Variants in LGR6 observed in about 807,000 individuals in gnomAD.
LGR6 encodes the protein leucine-rich repeat-containing G protein-coupled receptor 6.
LGR6 carries 45 observed loss-of-function variants against 69.4 expected under a neutral mutation model. The ratio of observed to expected loss-of-function variants is 0.65; its 90% confidence interval spans 0.51 to 0.83. The LOEUF (loss-of-function observed/expected upper bound fraction) is 0.83, where lower values mean the gene tolerates loss of function less well. Ranked by LOEUF, LGR6 falls within the 40% of genes least tolerant of loss-of-function variation. The probability of loss-of-function intolerance (pLI) is 0.00; values close to 1 mark genes in which losing one functional copy is unlikely to be tolerated. For missense variants in LGR6, 1,108 were observed against 1,246.7 expected, an observed-to-expected ratio of 0.89 and a Z score of 1.68; for synonymous variants, 538 against 555.0, an observed-to-expected ratio of 0.97 and a Z score of 0.43.
intron 4 of LGR6, among the ~76,000 whole-genome samples, chr1:202,269,397 C>G (rs1237664574): frequency 6.6e-6 from 1 of 152,202 alleles, no homozygotes; most frequent in Non-Finnish European, 1.5e-5. Context: ...AGGGGCTCCC[C>G]TTCTCTGAGC....
intron 1 of LGR6, among the ~76,000 whole-genome samples, chr1:202,198,658 G>A (rs1310768908): frequency 1.4e-5 from 2 of 138,884 alleles, no homozygotes; most frequent in African/African-American, 2.7e-5. Flanking sequence ...GGGAACCAGA[G>A]TAATTTTAGG....
chr1:202,301,317 C>G, intron 9 of LGR6, 82 bp downstream of exon 9: 1 of 1,192,274 alleles, frequency 8.4e-7, no homozygotes, highest in Non-Finnish European at 1.2e-6. Context: ...CTATCGCCTG[C>G]GGATCTCTCC....
At chr1:202,248,852 G>C (rs564648944) in intron 4 of LGR6, among the ~76,000 whole-genome samples, 7 of 152,154 alleles carry the variant, frequency 4.6e-5, no homozygotes, top group Non-Finnish European at 8.8e-5. Flanking sequence ...TGGTGAGTGG[G>C]GAGTGCAGCA....
intron 4 of LGR6, among the ~76,000 whole-genome samples, chr1:202,270,402 C>T (rs1664996887): frequency 6.6e-6 from 1 of 152,070 alleles, no homozygotes; most frequent in African/African-American, 2.4e-5. Context: ...GCCACCACGC[C>T]CGTCTAATTT....
At chr1:202,267,121 A>C (rs1243899645) in intron 4 of LGR6, among the ~76,000 whole-genome samples, 2 of 152,202 alleles carry the variant, frequency 1.3e-5, no homozygotes, top group African/African-American at 4.8e-5. Flanking sequence ...GCCACACTTC[A>C]AGAGCTCAAT....
chr1:202,314,837 GAGGACTCAA>G lies in LGR6; in HGVS notation c.1606_1614del (p.Asp536_Lys538del), dbSNP rs745992618. The stretch of plus-strand genomic sequence containing the variant: ...CCTGGATGAGCTCCAGCTGGAGATG[GAGGACTCAA>G]AGCCACACCCCAGTGTCCAGTGTAG... On this transcript the variant is annotated inframe_deletion, in exon 17 of 18. Transcript: ENST00000367278. 1.2e-6 allele frequency: 2 copies of G among 1,614,106 alleles called. No individual in the cohort carries two copies. The highest frequency in any genetic ancestry group is 2.2e-5 in the South Asian group (2 of 91,076).
chr1:202,286,631 A>T (rs1666411802), intron 6 of LGR6, among the ~76,000 whole-genome samples: 1 of 151,702 alleles, frequency 6.6e-6, no homozygotes, highest in African/African-American at 2.4e-5. Context: ...GAATCAAGGA[A>T]CTCTCTTTCC....
intron 1 of LGR6, among the ~76,000 whole-genome samples, chr1:202,205,379 C>CACAG (rs1659141276): frequency 5.8e-4 from 1 of 1,716 alleles, no homozygotes; most frequent in Non-Finnish European, 1.7e-3. Flanking sequence ...AACACACACA[C>CACAG]CTCACACACC....
intron 14 of LGR6, among the ~76,000 whole-genome samples, chr1:202,308,398 G>A (rs1401839063): frequency 6.6e-6 from 1 of 152,048 alleles, no homozygotes; most frequent in South Asian, 2.1e-4. Context: ...ACAGTGCCAG[G>A]TTTCCTGCCT....
At chr1:202,316,204 A>G (rs1654129531) in intron 17 of LGR6, among the ~76,000 whole-genome samples, 1 of 152,126 alleles carries the variant, frequency 6.6e-6, no homozygotes, top group South Asian at 2.1e-4. Flanking sequence ...GTTTTGTTTG[A>G]CTCACAATTC....
intron 3 of LGR6, among the ~76,000 whole-genome samples, chr1:202,232,225 A>G (rs1402802367): frequency 6.6e-6 from 1 of 151,888 alleles, no homozygotes; most frequent in Non-Finnish European, 1.5e-5. Flanking sequence ...CCACCCCATA[A>G]CCCCCAAGCA....
chr1:202,316,639 G>A (rs1050072071), intron 17 of LGR6, among the ~76,000 whole-genome samples: 2 of 152,106 alleles, frequency 1.3e-5, no homozygotes, highest in African/African-American at 4.8e-5. Context: ...CCAAAATAAT[G>A]AGTTATCTCT....
intron 4 of LGR6, among the ~76,000 whole-genome samples, chr1:202,239,264 G>C (rs1357844995): frequency 6.6e-6 from 1 of 152,058 alleles, no homozygotes; most frequent in Non-Finnish European, 1.5e-5. Context: ...TTCAGGCCCC[G>C]GGGACAATCT....
At chr1:202,265,741 G>T (rs1040510976) in intron 4 of LGR6, among the ~76,000 whole-genome samples, 1 of 152,138 alleles carries the variant, frequency 6.6e-6, no homozygotes, top group African/African-American at 2.4e-5. Flanking sequence ...CACTTCCACT[G>T]CTGTGATCTC....
chr1:202,276,336 C>T lies in LGR6; in HGVS notation c.459C>T (p.Val153=), dbSNP rs200884842. 2.5e-6 allele frequency: 4 copies of T among 1,614,156 alleles called. No homozygotes were observed. Among genetic ancestry groups the T allele is most frequent in the Non-Finnish European group, 3.4e-6 (4 of 1,180,010 alleles). ...TAGATGCCAACCTCATCTCCCTGGT[C>T]CCGGAGAGGAGCTTTGAGGGGCTGT... ...LRLDANLISL[V]PERSFEGLSS... Residue 153 remains valine (V), a synonymous_variant, in exon 5 of 18, where the codon GTC becomes GTT. Coordinates refer to ENST00000367278, the MANE Select transcript of LGR6 (RefSeq NM_001017403.2).
At chr1:202,315,821 C>T (rs1654099476) in intron 17 of LGR6, among the ~76,000 whole-genome samples, 2 of 152,170 alleles carry the variant, frequency 1.3e-5, no homozygotes, top group Non-Finnish European at 2.9e-5. Context: ...ACTAACCCAA[C>T]CTGGAGGAAG....
intron 6 of LGR6, among the ~76,000 whole-genome samples, chr1:202,295,868 TTA>T (rs1491280252): frequency 7.9e-6 from 1 of 126,314 alleles, no homozygotes; most frequent in African/African-American, 3.0e-5. Flanking sequence ...AATTGGGTAA[TTA>T]GTGTGTGTGT....
At position 202,207,326 on chromosome 1, in the gene LGR6, C is replaced by G. The variant is rs114246179; in HGVS notation, c.212+13125C>G. Among the ~76,000 whole-genome samples, 1,025 of 152,228 alleles carry G rather than the reference C, an allele frequency of 6.7e-3. 14 individuals are homozygous for G. Among genetic ancestry groups the G allele is most frequent in the African/African-American group, 0.023 (975 of 41,512 alleles). On this transcript the variant is annotated intron_variant, in intron 1 of 17. Coordinates refer to ENST00000367278, the MANE Select transcript of LGR6 (RefSeq NM_001017403.2). ...GGATGCCACAGGGGAGATGAGGCAG[C>G]CTTTGTCCAGATGGGCAGGAGGTGG...
chr1:202,251,787 A>G (rs1382958383), intron 4 of LGR6, among the ~76,000 whole-genome samples: 1 of 152,126 alleles, frequency 6.6e-6, no homozygotes, highest in African/African-American at 2.4e-5. Flanking sequence ...GCCTTAGAGT[A>G]AAACCCCCCT....
Sources: gnomAD v4.1 joint callset for allele counts (sites outside exome capture counted in the v4.1 genomes callset) on GRCh38, gnomAD v4.1.1 for gene constraint, MANE v1.5 for transcripts, NCBI Gene and HGNC (gene_info 2026-07-23, HGNC 2026-07-21) for gene names.